C21orf58: variants seen among roughly 807,000 people sequenced by gnomAD.
C21orf58 encodes the protein uncharacterized protein C21orf58.
A neutral mutation model predicts 35.8 loss-of-function variants in C21orf58; 34 were observed. That is an observed-to-expected ratio of 0.95 (90% CI 0.72 to 1.26). The LOEUF is 1.26. Among genes scored for constraint, C21orf58 ranks in the 50% most tolerant of loss-of-function variants. C21orf58 has a pLI of 0.00. For missense variants in C21orf58, 440 were observed against 414.3 expected (o/e 1.06, Z -0.54); for synonymous variants, 191 against 175.8 (o/e 1.09, Z -0.68).
At chr21:46,303,579 C>T (rs1041263380) in intron 6 of C21orf58, among the ~76,000 whole-genome samples, 14 of 149,816 alleles carry the variant, frequency 9.3e-5, no homozygotes, top group African/African-American at 2.9e-4. Context: ...AGGCCAGGCA[C>T]GGTGGCTCAT....
At chr21:46,308,375 T>G (rs1162431759) in intron 6 of C21orf58, among the ~76,000 whole-genome samples, 2 of 151,592 alleles carry the variant, frequency 1.3e-5, no homozygotes, top group African/African-American at 4.8e-5. Context: ...GCAGGAGAAT[T>G]GTTTGAACCC....
intron 6 of C21orf58, among the ~76,000 whole-genome samples, chr21:46,310,467 G>A (rs1179561969): frequency 5.4e-5 from 8 of 148,958 alleles, no homozygotes; most frequent in Non-Finnish European, 1.0e-4. Context: ...CAACAAGAGC[G>A]AGACTGTCTC....
chr21:46,317,912 G>A (rs2083035413), intron 2 of C21orf58, 100 bp downstream of exon 2: 12 of 1,321,370 alleles, frequency 9.1e-6, no homozygotes, highest in Non-Finnish European at 1.3e-5. Flanking sequence ...CTAGCCCTTG[G>A]GGCCCTGCAT....
intron 2 of C21orf58, 97 bp downstream of exon 2, chr21:46,317,915 C>T: frequency 7.4e-7 from 1 of 1,350,614 alleles, no homozygotes; most frequent in Non-Finnish European, 1.0e-6. Context: ...GCCCTTGGGG[C>T]CCTGCATTCT....
intron 1 of C21orf58, 81 bp downstream of exon 1, chr21:46,322,558 A>G (rs1197769426): frequency 5.2e-6 from 7 of 1,358,522 alleles, no homozygotes; most frequent in Non-Finnish European, 5.7e-6. Flanking sequence ...CCCCTGCTCT[A>G]ATGAGCCCAC....
intron 6 of C21orf58, 67 bp from the exon 7 acceptor site, chr21:46,302,643 G>C (rs914056642): frequency 8.0e-7 from 1 of 1,251,104 alleles, no homozygotes; most frequent in African/African-American, 1.5e-5. Context: ...AAGTGATAGA[G>C]CATTATAGGA....
chr21:46,313,139 G>C, intron 5 of C21orf58: 1 of 831,262 alleles, frequency 1.2e-6, no homozygotes, highest in Non-Finnish European at 1.5e-6. Context: ...CAGCTCTTGA[G>C]TTGGCCATTG....
intron 1 of C21orf58, chr21:46,318,931 T>G: frequency 1.2e-6 from 1 of 848,828 alleles, no homozygotes; most frequent in Non-Finnish European, 1.4e-6. Flanking sequence ...CAGACTGACA[T>G]GTGGGGGATG....
Position 46,302,506 on chromosome 21 carries a change from C to T in C21orf58, c.792G>A (p.Lys264=). The T allele has an allele frequency of 6.2e-7, 1 of 1,611,950 alleles. No homozygotes were observed. The highest frequency in any genetic ancestry group is 8.5e-7 in the Non-Finnish European group (1 of 1,178,996). The part of the protein sequence containing the change: ...HQLVLQNWML[K]ALPPALQDPP... ...CTACCTGCAGGGCTGGGGGCAGGGCCTTGAGCATCCAGTTCTGCAGGACCA... is the reference window on the plus strand; with the variant it reads ...CTACCTGCAGGGCTGGGGGCAGGGCTTTGAGCATCCAGTTCTGCAGGACCA... Residue 264 remains lysine, a synonymous_variant, in exon 7 of 8, where the codon AAG becomes AAA. Coordinates refer to ENST00000291691, the MANE Select transcript of C21orf58 (RefSeq NM_058180.5).
At chr21:46,315,308 C>G (rs1473832112) in intron 4 of C21orf58, 166 bp downstream of exon 4, 2 of 606,348 alleles carry the variant, frequency 3.3e-6, no homozygotes, top group Non-Finnish European at 5.9e-6. Context: ...CTGATGGAAA[C>G]CTGCACCCAG....
At chr21:46,308,433 C>T (rs1396103069) in intron 6 of C21orf58, among the ~76,000 whole-genome samples, 1 of 151,952 alleles carries the variant, frequency 6.6e-6, no homozygotes, top group Non-Finnish European at 1.5e-5. Flanking sequence ...TGCACTCCAG[C>T]CTGGGCAAAA....
chr21:46,312,010 TCCATCCAC>T (rs1328829147), intron 5 of C21orf58, among the ~76,000 whole-genome samples: 1 of 44,372 alleles, frequency 2.3e-5, no homozygotes, highest in East Asian at 7.7e-4. Flanking sequence ...CACCCACCCA[TCCATCCAC>T]CCATCCACCC....
intron 1 of C21orf58, among the ~76,000 whole-genome samples, chr21:46,321,167 T>C (rs1306276033): frequency 2.0e-5 from 3 of 151,944 alleles, no homozygotes; most frequent in South Asian, 2.1e-4. Flanking sequence ...ACATATGTTA[T>C]ATATATATAT....
intron 5 of C21orf58, 24 bp downstream of exon 5, chr21:46,314,692 T>G: frequency 7.1e-7 from 1 of 1,417,848 alleles, no homozygotes; most frequent in Admixed American, 2.8e-5. Flanking sequence ...CTCTCAGATG[T>G]GCTCCTCGAC....
downstream of C21orf58, chr21:46,300,574 T>G: frequency 9.7e-7 from 1 of 1,026,992 alleles, no homozygotes; most frequent in Non-Finnish European, 1.2e-6. Flanking sequence ...CACGAAAAGA[T>G]GGTTCTGAGA....
Position 46,318,061 on chromosome 21 carries a change from G to A in C21orf58, c.260C>T (p.Ser87Leu), listed in dbSNP as rs1342560439. ...TCGGGTCACTTGCTCTGCTGCTGAT[G>A]AGTCCAGCATGGTGGGAGCTGCAGG... The part of the protein sequence containing the change: ...SSPAAPTMLD[S>L]SAAEQVTRLT... The change falls in exon 2 of 8, where the codon TCA becomes TTA. Residue 87 changes from serine to leucine, a missense_variant. Transcript: ENST00000291691. 1 of 1,613,518 alleles carries A rather than the reference G, an allele frequency of 6.2e-7. No individual in the cohort carries two copies. Among genetic ancestry groups the A allele is most frequent in the South Asian group, 1.1e-5 (1 of 91,088 alleles).
chr21:46,320,698 G>C (rs1334500961), intron 1 of C21orf58: 1 of 152,108 alleles, frequency 6.6e-6, no homozygotes, highest in Non-Finnish European at 1.5e-5. Flanking sequence ...CCGTTTTACA[G>C]ACAGTCTTGC....
At chr21:46,314,998 G>A in intron 4 of C21orf58, 118 bp from the exon 5 acceptor site, 4 of 1,549,798 alleles carry the variant, frequency 2.6e-6, no homozygotes, top group Non-Finnish European at 3.5e-6. Context: ...CTCCGGGCAG[G>A]ATGGCCATGA....
chr21:46,315,873 C>T (rs2082957772), intron 3 of C21orf58, among the ~76,000 whole-genome samples: 1 of 152,136 alleles, frequency 6.6e-6, no homozygotes, highest in South Asian at 2.1e-4. Flanking sequence ...CCCTGGGCTC[C>T]AGGAGGTCAA....
Sources: gnomAD v4.1 joint callset for allele counts (sites outside exome capture counted in the v4.1 genomes callset) on GRCh38, gnomAD v4.1.1 for gene constraint, MANE v1.5 for transcripts, NCBI Gene and HGNC (gene_info 2026-07-23, HGNC 2026-07-21) for gene names.